Variants in TUBB4A observed in about 807,000 individuals in gnomAD.
The protein encoded by TUBB4A is tubulin beta-4A chain.
TUBB4A carries 13 observed loss-of-function variants against 35.1 expected under a neutral mutation model. The observed-to-expected ratio is 0.37, with a 90% CI of 0.24 to 0.59. The LOEUF (loss-of-function observed/expected upper bound fraction) is 0.59, where lower values mean the gene tolerates loss of function less well. TUBB4A is among the 20% of genes least tolerant of loss of function. The probability of loss-of-function intolerance (pLI) is 0.71; values close to 1 mark genes in which losing one functional copy is unlikely to be tolerated. For missense variants in TUBB4A, 299 were observed against 647.2 expected, an observed-to-expected ratio of 0.46 and a Z score of 5.84; for synonymous variants, 279 against 272.4, an observed-to-expected ratio of 1.02 and a Z score of -0.24.
intron 3 of TUBB4A, chr19:6,500,582 A>G (rs1457382527): frequency 6.6e-6 from 1 of 152,080 alleles, no homozygotes; most frequent in Non-Finnish European, 1.5e-5. Context: ...CTACAAAGAA[A>G]ACTAAAAAAT....
chr19:6,502,440 G>A (rs1164983005), upstream of TUBB4A: 6 of 509,878 alleles, frequency 1.2e-5, no homozygotes, highest in Non-Finnish European at 1.3e-5. Context: ...GGTGGTGCAG[G>A]GACCTCCCTC....
chr19:6,501,321 G>A lies in TUBB4A; in HGVS notation c.243C>T (p.Phe81=), dbSNP rs1914522524. 9.3e-6 allele frequency: 15 copies of A among 1,614,052 alleles called. No individual in the cohort carries two copies. The highest frequency in any genetic ancestry group is 1.6e-4 in the Middle Eastern group (1 of 6,062). Residue 81 remains phenylalanine, a synonymous_variant, in exon 3 of 4, where the codon TTC becomes TTT. Coordinates refer to ENST00000264071, the MANE Select transcript of TUBB4A (RefSeq NM_006087.4). This position sits in a 1 kb window ranked among gnomAD's most constrained non-coding sequence, Gnocchi z 4.2. The part of the protein sequence containing the change: ...GTMDSVRSGP[F]GQIFRPDNFV... ...AGTTGTCCGGCCGAAAGATCTGACC[G>A]AAGGGGCCAGAACGGACAGAGTCCA...
At chr19:6,497,024 A>AAAAATATATATATAT (rs1568410509) in intron 3 of TUBB4A, among the ~76,000 whole-genome samples, 1 of 21,998 alleles carries the variant, frequency 4.5e-5, no homozygotes, top group Non-Finnish European at 7.4e-5. Context: ...AAAAAAAAAA[A>AAAAATATATATATAT]ATATATATAT....
chr19:6,499,263 G>A (rs997177296), intron 3 of TUBB4A, among the ~76,000 whole-genome samples: 2 of 151,284 alleles, frequency 1.3e-5, no homozygotes, highest in East Asian at 1.9e-4. Context: ...TGGAGGTTGC[G>A]TCACTGCACT....
At position 6,495,115 on chromosome 19, in the gene TUBB4A, T is replaced by G; in HGVS notation, c.*49A>C. Reference sequence around the variant, plus strand: ...GTTCAGAGATGGGGGGCCTAGCGGATCAAAGGTCAGAAGCCTCGAGGGGAC... The same window carrying G: ...GTTCAGAGATGGGGGGCCTAGCGGAGCAAAGGTCAGAAGCCTCGAGGGGAC... On this transcript the variant is annotated 3_prime_UTR_variant, in exon 4 of 4. Transcript: ENST00000264071. The surrounding 1 kb of genome is among the most constrained non-coding windows in gnomAD (Gnocchi z 8.7). 6.2e-7 allele frequency: 1 copy of G among 1,601,168 alleles called. No homozygotes were observed. Among genetic ancestry groups the G allele is most frequent in the Non-Finnish European group, 8.5e-7 (1 of 1,172,170 alleles).
At position 6,501,567 on chromosome 19, in the gene TUBB4A, C is replaced by T. The variant is rs368132425; in HGVS notation, c.114G>A (p.Gly38=). The T allele has an allele frequency of 9.9e-6, 16 of 1,614,166 alleles. No homozygotes were observed. In the African/African-American group the frequency reaches 2.1e-4, roughly 22 times the overall value. ...TCCTCTCCAGTTGCAGGTCACTGTC[C>T]CCATGGTATGTGCCTGTGGGGTCGA... ...HGIDPTGTYH[G]DSDLQLERIN... Residue 38 remains glycine, a synonymous_variant, in exon 2 of 4, where the codon GGG becomes GGA. Transcript: ENST00000264071. This position sits in a 1 kb window ranked among gnomAD's most constrained non-coding sequence, Gnocchi z 4.2.
At chr19:6,496,491 A>C (rs903694875) in intron 3 of TUBB4A, 10 of 333,312 alleles carry the variant, frequency 3.0e-5, no homozygotes, top group Admixed American at 2.2e-4. Context: ...ATTAGCCGGG[A>C]GTGGTGGCGG....
intron 3 of TUBB4A, among the ~76,000 whole-genome samples, chr19:6,500,454 A>G (rs1914477514): frequency 6.6e-6 from 1 of 152,138 alleles, no homozygotes; most frequent in Admixed American, 6.6e-5. Context: ...TTTAAAGACG[A>G]GGAGGCCGGG....
At position 6,502,250 on chromosome 19, in the gene TUBB4A, C is replaced by G. The variant is rs772522311; in HGVS notation, c.-38G>C. The G allele has an allele frequency of 4.0e-6, 6 of 1,496,456 alleles. No individual in the cohort carries two copies. The highest frequency in any genetic ancestry group is 5.3e-6 in the Non-Finnish European group (6 of 1,131,056). The allele number at this position is 1,496,456 out of a possible 1,614,324, so 92.7% of individuals were successfully genotyped here. ...GAGGGTGGACGCGGCGGCGGTGGCA[C>G]GAGCGCGGGGAGCTGCGGCGGCGGC... is the stretch of plus-strand genomic sequence containing the variant. On this transcript the variant is annotated 5_prime_UTR_variant, in exon 1 of 4. Transcript: ENST00000264071.
At position 6,501,812 on chromosome 19, in the gene TUBB4A, G is replaced by A. The variant is rs1914546605; in HGVS notation, c.58-189C>T. On this transcript the variant is annotated intron_variant, in intron 1 of 3. Coordinates refer to ENST00000264071, the MANE Select transcript of TUBB4A (RefSeq NM_006087.4). This position sits in a 1 kb window ranked among gnomAD's most constrained non-coding sequence, Gnocchi z 4.2. ...GGAGCGGTGGGGGCGGGGTGCAGCCGAGTCAGCACCCAGCGGGGCCGGCTG... is the reference window on the plus strand; with the variant it reads ...GGAGCGGTGGGGGCGGGGTGCAGCCAAGTCAGCACCCAGCGGGGCCGGCTG... 1.7e-6 allele frequency: 1 copy of A among 604,064 alleles called. No individual in the cohort carries two copies. The highest frequency in any genetic ancestry group is 2.0e-5 in the South Asian group (1 of 49,764). The allele number at this position is 604,064 out of a possible 1,614,324, so 37.4% of individuals were successfully genotyped here.
intron 3 of TUBB4A, among the ~76,000 whole-genome samples, chr19:6,500,019 G>A (rs1914455506): frequency 6.6e-6 from 1 of 152,006 alleles, no homozygotes. Context: ...TCAAACTCCC[G>A]ACCTCAGGTG....
At chr19:6,496,311 A>G in intron 3 of TUBB4A, 90 bp from the exon 4 acceptor site, 2 of 1,217,432 alleles carry the variant, frequency 1.6e-6, no homozygotes, top group South Asian at 1.5e-5. Context: ...GGCCTCTAGT[A>G]GTTGAATACT....
chr19:6,501,664 C>T lies in TUBB4A; in HGVS notation c.58-41G>A, dbSNP rs1914539198. ...GTCGGAAGAGTTGAGAGAGGGGAAG[C>T]CGGTGGCCAAGCCGAGGACTGCCCC... On this transcript the variant is annotated intron_variant, in intron 1 of 3. Transcript: ENST00000264071. This position sits in a 1 kb window ranked among gnomAD's most constrained non-coding sequence, Gnocchi z 4.2. The T allele has an allele frequency of 1.3e-6, 2 of 1,571,340 alleles. No individual in the cohort carries two copies. Among genetic ancestry groups the T allele is most frequent in the Non-Finnish European group, 1.7e-6 (2 of 1,148,182 alleles).
Position 6,501,137 on chromosome 19 carries a change from CCCT to C in TUBB4A, c.277+147_277+149del. 1.6e-6 allele frequency: 1 copy of C among 619,884 alleles called. No homozygotes were observed. Among genetic ancestry groups the C allele is most frequent in the East Asian group, 2.8e-5 (1 of 35,906 alleles). The allele number at this position is 619,884 out of a possible 1,614,324, so 38.4% of individuals were successfully genotyped here. A position where few individuals can be genotyped will look rare whatever the true frequency, so the allele number is the denominator to read the frequency against. ...GGGCTCTCACAGTGGCCTGAGCATCCCCTCATCACAGCCCTGGATGCAGGGCTG... is the reference window on the plus strand; with the variant it reads ...GGGCTCTCACAGTGGCCTGAGCATCCCATCACAGCCCTGGATGCAGGGCTG... On this transcript the variant is annotated intron_variant, in intron 3 of 3. Transcript: ENST00000264071. This position sits in a 1 kb window ranked among gnomAD's most constrained non-coding sequence, Gnocchi z 4.2.
At position 6,495,152 on chromosome 19, in the gene TUBB4A, G is replaced by T. The variant is rs546479041; in HGVS notation, c.*12C>A. 3 of 1,612,770 alleles carry T rather than the reference G, an allele frequency of 1.9e-6. No homozygotes were observed. Among genetic ancestry groups the T allele is most frequent in the Admixed American group, 1.7e-5 (1 of 59,976 alleles). ...AGCCTCGAGGGGACAGGTGGGAAGC[G>T]ATGGGAGCAGCCTAGGCCACCTCCT... is the stretch of plus-strand genomic sequence containing the variant. On this transcript the variant is annotated 3_prime_UTR_variant, in exon 4 of 4. Transcript: ENST00000264071. The surrounding 1 kb of genome is among the most constrained non-coding windows in gnomAD (Gnocchi z 8.7).
intron 1 of TUBB4A, 147 bp downstream of exon 1, chr19:6,502,009 C>CCTT: frequency 1.2e-6 from 1 of 856,070 alleles, no homozygotes; most frequent in Non-Finnish European, 1.7e-6. Context: ...ACCCCGCGAC[C>CCTT]CTTCCCCCAA....
Position 6,495,113 on chromosome 19 carries a change from G to A in TUBB4A, c.*51C>T. On this transcript the variant is annotated 3_prime_UTR_variant, in exon 4 of 4. Transcript: ENST00000264071. The surrounding 1 kb of genome is among the most constrained non-coding windows in gnomAD (Gnocchi z 8.7). ...GGGTTCAGAGATGGGGGGCCTAGCG[G>A]ATCAAAGGTCAGAAGCCTCGAGGGG... The A allele has an allele frequency of 6.3e-7, 1 of 1,599,398 alleles. No individual in the cohort carries two copies. The highest frequency in any genetic ancestry group is 1.3e-5 in the African/African-American group (1 of 74,714).
At chr19:6,502,520 T>A (rs1914592381), upstream of TUBB4A, 4 of 372,198 alleles carry the variant, frequency 1.1e-5, no homozygotes, top group East Asian at 2.0e-4. Flanking sequence ...TGAGGCCCCT[T>A]AGGGAGCCAC....
At chr19:6,496,697 G>A (rs190464405) in intron 3 of TUBB4A, among the ~76,000 whole-genome samples, 29 of 147,314 alleles carry the variant, frequency 2.0e-4, no homozygotes, top group African/African-American at 6.4e-4. Context: ...GTGAGCGATC[G>A]TAGTCCCTGG....
Sources: allele counts gnomAD v4.1 joint callset (sites outside exome capture counted in the v4.1 genomes callset), GRCh38; gene constraint gnomAD v4.1.1; non-coding constraint Gnocchi (gnomAD v3.1); transcripts MANE v1.5; gene names NCBI Gene and HGNC (gene_info 2026-07-23, HGNC 2026-07-21).